The following RRN3 variants were observed in gnomAD, a reference collection of about 807,000 sequenced individuals.
The protein encoded by RRN3 is RNA polymerase I transcription factor RRN3, also known as RNA polymerase I-specific transcription initiation factor RRN3.
RRN3 carries 38 observed loss-of-function variants against 82.3 expected under a neutral mutation model. That is an observed-to-expected ratio of 0.46 (90% confidence interval 0.36 to 0.61). The LOEUF (loss-of-function observed/expected upper bound fraction) is 0.61, where lower values mean the gene tolerates loss of function less well. Among genes scored for constraint, RRN3 ranks in the 20% least tolerant of loss-of-function variants. RRN3 has a pLI of 0.00. For missense variants in RRN3, 726 were observed against 793.1 expected (o/e 0.92, Z 1.02); for synonymous variants, 284 against 284.3 (o/e 1.00, Z 0.01).
At position 15,076,912 on chromosome 16, in the gene RRN3, C is replaced by T. The variant is rs764369434; in HGVS notation, c.766-262G>A. On this transcript the variant is annotated intron_variant, in intron 9 of 17. Transcript: ENST00000198767. ...CTATCACATGATGCTCTATGCCAGG[C>T]AGCCTCAACAAATTCAACATTTATT... Among the ~76,000 whole-genome samples, 4 of 152,146 alleles carry T rather than the reference C, an allele frequency of 2.6e-5. No individual in the cohort carries two copies. The East Asian group carries it at 5.8e-4, about 22-fold the overall frequency.
chr16:15,064,167 TTTG>T (rs1265010414), intron 16 of RRN3, among the ~76,000 whole-genome samples: 1 of 152,012 alleles, frequency 6.6e-6, no homozygotes, highest in Non-Finnish European at 1.5e-5. Context: ...TAAATCGCTT[TTTG>T]TTTTTTTTTT....
At chr16:15,071,044 T>C (rs2045203176) in intron 13 of RRN3, 77 bp downstream of exon 13, 1 of 1,284,846 alleles carries the variant, frequency 7.8e-7, no homozygotes, top group African/African-American at 1.5e-5. Flanking sequence ...AAATGGGAGA[T>C]ATTTCTGACT....
intron 2 of RRN3, among the ~76,000 whole-genome samples, chr16:15,091,917 G>A (rs1436580413): frequency 3.9e-5 from 6 of 152,178 alleles, no homozygotes; most frequent in African/African-American, 1.2e-4. Context: ...GGTGGCTCAC[G>A]TCTGTAATCC....
In RRN3 at chr16:15,074,769, C is replaced by T. The variant is rs764903237; in HGVS notation, c.951G>A (p.Leu317=). 1 of 1,614,040 alleles carries T rather than the reference C, an allele frequency of 6.2e-7. No individual in the cohort carries two copies. Among genetic ancestry groups the T allele is most frequent in the Non-Finnish European group, 8.5e-7 (1 of 1,180,002 alleles). ...VHPVAERLDI[L]MSLVLSYMKD... ...TCATGTAGGACAAAACCAAAGACAT[C>T]AGGATGTCCAGGCGCTCGGCTACAG... The change falls in exon 11 of 18, where the codon CTG becomes CTA. Residue 317 remains leucine, a synonymous_variant. Coordinates refer to ENST00000198767, the MANE Select transcript of RRN3 (RefSeq NM_018427.5).
intron 16 of RRN3, 80 bp from the exon 17 acceptor site, chr16:15,063,363 G>A (rs1314597788): frequency 1.4e-5 from 14 of 1,035,488 alleles, no homozygotes; most frequent in Middle Eastern, 4.0e-4. Flanking sequence ...TTTCTCACAA[G>A]ATCTATTACC....
At chr16:15,070,511 T>TG (rs1183439464) in intron 13 of RRN3, among the ~76,000 whole-genome samples, 3 of 151,888 alleles carry the variant, frequency 2.0e-5, no homozygotes, top group Non-Finnish European at 2.9e-5. Flanking sequence ...TCCCAAGGGA[T>TG]GGAAAGCAGG....
intron 15 of RRN3, among the ~76,000 whole-genome samples, chr16:15,066,194 C>T (rs1223335032): frequency 6.6e-6 from 1 of 152,164 alleles, no homozygotes; most frequent in Non-Finnish European, 1.5e-5. Context: ...GAGGACACAT[C>T]AGCAAAACCA....
intron 9 of RRN3, among the ~76,000 whole-genome samples, chr16:15,078,629 C>T (rs1323282098): frequency 6.6e-6 from 1 of 152,096 alleles, no homozygotes; most frequent in Non-Finnish European, 1.5e-5. Context: ...TCTTGGTTTT[C>T]CCCATACTTC....
At position 15,065,305 on chromosome 16, in the gene RRN3, A is replaced by G. The variant is rs749506068; in HGVS notation, c.1620T>C (p.Ile540=). The change falls in exon 16 of 18, where the codon ATT becomes ATC. Residue 540 remains isoleucine (I), a synonymous_variant. Coordinates refer to ENST00000198767, the MANE Select transcript of RRN3 (RefSeq NM_018427.5). ...CTGAGTCTCCTCCAGCGGTACTCCT[A>G]ATGACTGGCAGCATCTGGCGATTGT... The part of the protein sequence containing the change: ...ERNNRQMLPV[I]RSTAGGDSVQ... 26 of 1,613,720 alleles carry G rather than the reference A, an allele frequency of 1.6e-5. 1 individual carries two copies. The highest frequency in any genetic ancestry group is 1.1e-4 in the South Asian group (10 of 91,078).
chr16:15,071,702 A>G (rs1250109148), intron 12 of RRN3, among the ~76,000 whole-genome samples: 1 of 152,220 alleles, frequency 6.6e-6, no homozygotes, highest in African/African-American at 2.4e-5. Context: ...CAGGAGGCAG[A>G]GGTTGCAGTG....
chr16:15,064,210 C>G (rs751241312), intron 16 of RRN3, among the ~76,000 whole-genome samples: 2 of 151,890 alleles, frequency 1.3e-5, no homozygotes, highest in African/African-American at 4.8e-5. Flanking sequence ...GAGTCTCACT[C>G]TCTCGCCCAG....
rs2044723938 is a variant in RRN3, at chr16:15,061,802, C to T, written c.1898G>A (p.Ser633Asn). The change falls in exon 18 of 18, where the codon AGT becomes AAT. Residue 633 changes from serine (S) to asparagine (N), a missense_variant. By Grantham distance (46) the Ser-to-Asn change is conservative. This residue lies in a region of RRN3 where 166 missense variants were observed against 154.8 expected (regional missense o/e 1.07). Coordinates refer to ENST00000198767, the MANE Select transcript of RRN3 (RefSeq NM_018427.5). ...TPSSFDTHFR[S>N]PSSSVGSPPV... is the part of the protein sequence containing the mutation. ...TGGGGAGCCCACACTACTTGAAGGA[C>T]TTCGGAAATGCGTGTCAAAGGAGCT... 1 of 1,614,076 alleles carries T rather than the reference C, an allele frequency of 6.2e-7. No homozygotes were observed. The highest frequency in any genetic ancestry group is 1.1e-5 in the South Asian group (1 of 91,090).
chr16:15,075,686 TCA>T (rs1296859596), intron 10 of RRN3, among the ~76,000 whole-genome samples: 1 of 152,128 alleles, frequency 6.6e-6, no homozygotes, highest in Non-Finnish European at 1.5e-5. Context: ...AAGCCAAGAC[TCA>T]CAGCACCAGC....
chr16:15,079,923 A>G (rs2045627123), intron 9 of RRN3, 75 bp downstream of exon 9: 11 of 1,416,170 alleles, frequency 7.8e-6, no homozygotes, highest in Admixed American at 4.9e-5. Context: ...ATCACTGACT[A>G]TTGTTTCCAC....
intron 1 of RRN3, 36 bp from the exon 2 acceptor site, chr16:15,092,650 G>C: frequency 7.8e-7 from 1 of 1,274,672 alleles, no homozygotes; most frequent in South Asian, 1.2e-5. Flanking sequence ...TTAAGTTCAT[G>C]AAAATAATAA....
intron 15 of RRN3, 53 bp downstream of exon 15, chr16:15,068,116 C>T (rs2045056431): frequency 1.3e-6 from 2 of 1,496,620 alleles, no homozygotes; most frequent in Non-Finnish European, 1.8e-6. Flanking sequence ...ACTAGATAAA[C>T]ATAAATAAAA....
intron 10 of RRN3, among the ~76,000 whole-genome samples, chr16:15,075,598 A>T (rs1015614271): frequency 6.6e-6 from 1 of 152,036 alleles, no homozygotes; most frequent in African/African-American, 2.4e-5. Flanking sequence ...GAAAAGAAAG[A>T]AAGAAATGCA....
At chr16:15,089,276 G>A (rs1465424218) in intron 3 of RRN3, among the ~76,000 whole-genome samples, 1 of 152,038 alleles carries the variant, frequency 6.6e-6, no homozygotes, top group Non-Finnish European at 1.5e-5. Context: ...AGGTGACAGA[G>A]CAAGACTCTG....
intron 14 of RRN3, among the ~76,000 whole-genome samples, chr16:15,069,774 C>A (rs1434953686): frequency 6.6e-6 from 1 of 152,188 alleles, no homozygotes; most frequent in African/African-American, 2.4e-5. Context: ...GCTGGCACAG[C>A]CCAGGGCTCA....
Sources: allele counts gnomAD v4.1 joint callset (sites outside exome capture counted in the v4.1 genomes callset), GRCh38; gene constraint gnomAD v4.1.1; regional missense constraint gnomAD v4.1.1; transcripts MANE v1.5; gene names NCBI Gene and HGNC (gene_info 2026-07-23, HGNC 2026-07-21).